The following TMEM132B variants were observed in gnomAD, a reference collection of about 807,000 sequenced individuals.
The protein encoded by TMEM132B is transmembrane protein 132B.
In TMEM132B, 18 loss-of-function variants were observed where a neutral mutation model predicts 90.8. The observed-to-expected ratio is 0.20, with a 90% CI of 0.14 to 0.29. The LOEUF (loss-of-function observed/expected upper bound fraction) is 0.29, where lower values mean the gene tolerates loss of function less well. Among genes scored for constraint, TMEM132B ranks in the 10% least tolerant of loss-of-function variants. The pLI is 1.00. For missense variants in TMEM132B, 1,096 were observed against 1,326.8 expected, an observed-to-expected ratio of 0.83 and a Z score of 2.70; for synonymous variants, 504 against 523.3, an observed-to-expected ratio of 0.96 and a Z score of 0.50.
intron 1 of TMEM132B, among the ~76,000 whole-genome samples, chr12:125,268,826 C>T (rs918212007): frequency 4.6e-5 from 7 of 152,146 alleles, no homozygotes; most frequent in East Asian, 3.9e-4. Flanking sequence ...GAAAGACTAG[C>T]GAGGCTCTGA....
At chr12:125,508,866 C>A (rs1187597121) in intron 3 of TMEM132B, among the ~76,000 whole-genome samples, 1 of 151,144 alleles carries the variant, frequency 6.6e-6, no homozygotes, top group East Asian at 1.9e-4. Flanking sequence ...GCAACCTCTA[C>A]CTCCCAGGTT....
intron 5 of TMEM132B, among the ~76,000 whole-genome samples, chr12:125,604,389 T>C (rs913262492): frequency 7.1e-6 from 1 of 140,770 alleles, no homozygotes. Context: ...AAGTGGGAGT[T>C]GAACAGTGAG....
chr12:125,496,299 A>T lies in TMEM132B; in HGVS notation c.1107-23140A>T, dbSNP rs1882558098. On this transcript the variant is annotated intron_variant, in intron 3 of 8. Coordinates refer to ENST00000682704, the MANE Select transcript of TMEM132B (RefSeq NM_001366854.1). ...CTGGAAAGATTAGGCTACCAATGGA[A>T]GAAAGTACTAGGCTTTAAGAAAGGA... is the stretch of plus-strand genomic sequence containing the variant. 2.6e-5 allele frequency among the ~76,000 whole-genome samples: 4 copies of T among 152,272 alleles called. No homozygotes were observed. In the South Asian group the frequency reaches 8.3e-4, roughly 32 times the overall value.
chr12:125,572,684 C>G (rs907470013), intron 4 of TMEM132B, among the ~76,000 whole-genome samples: 1 of 152,158 alleles, frequency 6.6e-6, no homozygotes, highest in African/African-American at 2.4e-5. Context: ...ATGAAAATGT[C>G]CTGTTTCTTA....
chr12:125,598,035 AC>A (rs1470813957), intron 5 of TMEM132B, among the ~76,000 whole-genome samples: 1 of 152,172 alleles, frequency 6.6e-6, no homozygotes, highest in African/African-American at 2.4e-5. Context: ...TGGGAGGATT[AC>A]GGAGATTAAG....
chr12:125,425,000 C>A (rs1369310488), intron 3 of TMEM132B, among the ~76,000 whole-genome samples: 3 of 152,062 alleles, frequency 2.0e-5, no homozygotes, highest in African/African-American at 7.2e-5. Context: ...CTTAGCAGAT[C>A]CTTCCTAAAA....
chr12:125,531,323 CT>C (rs923917206), intron 4 of TMEM132B, among the ~76,000 whole-genome samples: 13 of 152,128 alleles, frequency 8.5e-5, no homozygotes, highest in African/African-American at 3.1e-4. Context: ...GGAGCTGGGG[CT>C]ACTGGCATAT....
At chr12:125,244,049 G>C (rs746263548) in intron 1 of TMEM132B, among the ~76,000 whole-genome samples, 8 of 152,100 alleles carry the variant, frequency 5.3e-5, no homozygotes, top group African/African-American at 1.9e-4. Context: ...TTCACTTAGC[G>C]TGATGTTTTT....
At chr12:125,540,229 G>A (rs1044995851) in intron 4 of TMEM132B, among the ~76,000 whole-genome samples, 2 of 152,152 alleles carry the variant, frequency 1.3e-5, no homozygotes, top group Non-Finnish European at 2.9e-5. Flanking sequence ...GCTTTATGGT[G>A]TAGAGATAAT....
At chr12:125,510,051 G>T (rs1882940829) in intron 3 of TMEM132B, among the ~76,000 whole-genome samples, 1 of 152,180 alleles carries the variant, frequency 6.6e-6, no homozygotes, top group South Asian at 2.1e-4. Flanking sequence ...GGTGTAAGAT[G>T]ATTTCTGAGT....
chr12:125,494,586 T>C (rs1356352752), intron 3 of TMEM132B, among the ~76,000 whole-genome samples: 26 of 65,596 alleles, frequency 4.0e-4, no homozygotes, highest in South Asian at 6.0e-4. Context: ...GCGTCCCTCC[T>C]CCCCCTCCTC....
chr12:125,215,146 C>A (rs1873405923), intron 1 of TMEM132B, among the ~76,000 whole-genome samples: 1 of 152,244 alleles, frequency 6.6e-6, no homozygotes, highest in African/African-American at 2.4e-5. Flanking sequence ...TCATTGAAAT[C>A]TCTTCCTTCG....
At chr12:125,486,003 T>C (rs1470146005) in intron 3 of TMEM132B, among the ~76,000 whole-genome samples, 1 of 151,890 alleles carries the variant, frequency 6.6e-6, no homozygotes, top group Non-Finnish European at 1.5e-5. Flanking sequence ...AAATAATGCA[T>C]CTCTCTCTCT....
intron 1 of TMEM132B, among the ~76,000 whole-genome samples, chr12:125,257,495 A>G (rs369724459): frequency 1.3e-5 from 2 of 152,164 alleles, no homozygotes; most frequent in African/African-American, 4.8e-5. Context: ...AACCCTGTGC[A>G]TGTGTGGGTG....
At chr12:125,520,589 C>T (rs1414937180) in intron 4 of TMEM132B, among the ~76,000 whole-genome samples, 1 of 152,208 alleles carries the variant, frequency 6.6e-6, no homozygotes, top group Non-Finnish European at 1.5e-5. Flanking sequence ...CTTTTCCCCA[C>T]CTCAACTGTT....
In TMEM132B at chr12:125,207,931, G is replaced by A. The variant is rs573305692; in HGVS notation, c.67+21065G>A. 2.6e-5 allele frequency among the ~76,000 whole-genome samples: 4 copies of A among 152,282 alleles called. No individual in the cohort carries two copies. In the South Asian group the frequency reaches 8.3e-4, roughly 32 times the overall value. Reference sequence around the variant, plus strand: ...TAAGACTGAATAACATCCCACTAGGGAACTGAATTTTTCATTTCATTTCAA... The same window carrying A: ...TAAGACTGAATAACATCCCACTAGGAAACTGAATTTTTCATTTCATTTCAA... On this transcript the variant is annotated intron_variant, in intron 1 of 8. Coordinates refer to ENST00000682704, the MANE Select transcript of TMEM132B (RefSeq NM_001366854.1).
chr12:125,512,367 C>G (rs755701168), intron 3 of TMEM132B, among the ~76,000 whole-genome samples: 1 of 152,116 alleles, frequency 6.6e-6, no homozygotes, highest in African/African-American at 2.4e-5. Context: ...CCAGCTGATT[C>G]GAATTTTGTA....
At chr12:125,331,342 G>T (rs1310107408) in intron 1 of TMEM132B, among the ~76,000 whole-genome samples, 1 of 152,226 alleles carries the variant, frequency 6.6e-6, no homozygotes, top group Non-Finnish European at 1.5e-5. Context: ...TCCGCACCAA[G>T]ATTCCCAAGG....
At chr12:125,261,646 G>A (rs1874571042) in intron 1 of TMEM132B, among the ~76,000 whole-genome samples, 1 of 152,148 alleles carries the variant, frequency 6.6e-6, no homozygotes, top group African/African-American at 2.4e-5. Flanking sequence ...TTAACCAACG[G>A]ATTTTATTGA....
Sources: allele counts gnomAD v4.1 joint callset (sites outside exome capture counted in the v4.1 genomes callset), GRCh38; gene constraint gnomAD v4.1.1; transcripts MANE v1.5; gene names NCBI Gene and HGNC (gene_info 2026-07-23, HGNC 2026-07-21).